The following IL1RAPL1 variants were observed in gnomAD, a reference collection of about 807,000 sequenced individuals.
IL1RAPL1 encodes the protein interleukin-1 receptor accessory protein-like 1.
Under a neutral mutation model 48.4 loss-of-function variants are expected in IL1RAPL1, and 3 were observed. The ratio of observed to expected loss-of-function variants is 0.06; its 90% CI spans 0.03 to 0.16. The LOEUF (loss-of-function observed/expected upper bound fraction) is 0.16. IL1RAPL1 is among the 10% of genes least tolerant of loss of function. The pLI is 1.00. For synonymous variants in IL1RAPL1, 185 were observed against 187.7 expected, an observed-to-expected ratio of 0.99 and a Z score of 0.12; for missense variants, 349 against 530.6, an observed-to-expected ratio of 0.66 and a Z score of 3.36.
intron 2 of IL1RAPL1, among the ~76,000 whole-genome samples, chrX:28,993,802 T>A (rs1925667379): frequency 8.9e-6 from 1 of 112,355 alleles, no homozygotes; most frequent in East Asian, 2.8e-4. Context: ...TTTTCCCGAT[T>A]TTTTAGTTGA....
At chrX:29,401,455 A>G (rs779497329) in intron 5 of IL1RAPL1, among the ~76,000 whole-genome samples, 45 of 111,573 alleles carry the variant, frequency 4.0e-4, no homozygotes, top group Middle Eastern at 4.7e-3. Flanking sequence ...GTGTGACACT[A>G]TAGCGCATTT....
rs771426805 is a variant in IL1RAPL1, at chrX:28,614,093, G to A, written c.-25+26046G>A. ...CTGGAAACAGGTCATCTATGAGCAT[G>A]TTTCTCCTAAACAATTACATGGAAA... On this transcript the variant is annotated intron_variant, in intron 1 of 10. Coordinates refer to ENST00000378993, the MANE Select transcript of IL1RAPL1 (RefSeq NM_014271.4). Among the ~76,000 whole-genome samples the A allele has an allele frequency of 3.6e-5, 4 of 112,063 alleles. No individual in the cohort carries two copies. In the South Asian group the frequency reaches 1.5e-3, roughly 41 times the overall value.
At chrX:28,980,849 G>A (rs912535821) in intron 2 of IL1RAPL1, among the ~76,000 whole-genome samples, 13 of 108,838 alleles carry the variant, frequency 1.2e-4, no homozygotes, top group Non-Finnish European at 2.5e-4. Context: ...AGCACTTTGG[G>A]AGGTCAAAGC....
rs140122008 is a variant in IL1RAPL1 at position 29,515,535 on chromosome X, T to A, written c.703+116227T>A. 1.4e-3 allele frequency among the ~76,000 whole-genome samples: 162 copies of A among 112,274 alleles called. 1 individual carries two copies. Among genetic ancestry groups the A allele is most frequent in the African/African-American group, 4.7e-3 (145 of 30,962 alleles). The stretch of plus-strand genomic sequence containing the variant: ...TGTAACCTTTTTCACTCAGCATAAT[T>A]CTCTGGAGATTCACCTAGGTTGTTG... On this transcript the variant is annotated intron_variant, in intron 5 of 10. Transcript: ENST00000378993.
At chrX:28,635,612 T>G (rs927188487) in intron 1 of IL1RAPL1, among the ~76,000 whole-genome samples, 1 of 112,160 alleles carries the variant, frequency 8.9e-6, no homozygotes, top group Non-Finnish European at 1.9e-5. Flanking sequence ...TAGGCTAGGC[T>G]AAGCTATGAT....
At position 28,799,191 on chromosome X, in the gene IL1RAPL1, A is replaced by G. The variant is rs145099006; in HGVS notation, c.82+9766A>G. Among the ~76,000 whole-genome samples the G allele has an allele frequency of 4.2e-3, 467 of 111,954 alleles. 6 individuals carry two copies. Among genetic ancestry groups the G allele is most frequent in the African/African-American group, 0.015 (448 of 30,832 alleles). ...TCTGTAATGAGAGGATTGGGATACCATCCATCATATTAAAGGTCCCCAAAG... is the reference window on the plus strand; with the variant it reads ...TCTGTAATGAGAGGATTGGGATACCGTCCATCATATTAAAGGTCCCCAAAG... On this transcript the variant is annotated intron_variant, in intron 2 of 10. Coordinates refer to ENST00000378993, the MANE Select transcript of IL1RAPL1 (RefSeq NM_014271.4).
At chrX:29,632,301 A>AC (rs1924800922) in intron 5 of IL1RAPL1, among the ~76,000 whole-genome samples, 1 of 109,470 alleles carries the variant, frequency 9.1e-6, no homozygotes, top group African/African-American at 3.3e-5. Flanking sequence ...GGCGCCCGCC[A>AC]CCACACCCTG....
chrX:28,978,648 G>A (rs6630798), intron 2 of IL1RAPL1, among the ~76,000 whole-genome samples: 17,980 of 110,972 alleles, frequency 0.16, 1,489 homozygotes, highest in East Asian at 0.43. Flanking sequence ...TGAATCTAGT[G>A]TTCATGAATT....
intron 5 of IL1RAPL1, among the ~76,000 whole-genome samples, chrX:29,488,178 G>A (rs752483856): frequency 1.5e-3 from 165 of 112,478 alleles, no homozygotes; most frequent in African/African-American, 5.1e-3. Flanking sequence ...GGTGGCTCAC[G>A]CCTGTAATCC....
intron 2 of IL1RAPL1, among the ~76,000 whole-genome samples, chrX:29,133,670 A>G (rs1929068315): frequency 9.0e-6 from 1 of 111,601 alleles, no homozygotes; most frequent in South Asian, 3.7e-4. Context: ...GTTGTAATAC[A>G]ATATATTGAC....
intron 1 of IL1RAPL1, among the ~76,000 whole-genome samples, chrX:28,661,763 A>G (rs777974357): frequency 8.9e-6 from 1 of 112,119 alleles, no homozygotes; most frequent in Non-Finnish European, 1.9e-5. Context: ...AGAATAAAAT[A>G]TTATAATGTT....
At chrX:29,798,388 A>G (rs1191195958) in intron 6 of IL1RAPL1, among the ~76,000 whole-genome samples, 1 of 111,891 alleles carries the variant, frequency 8.9e-6, no homozygotes, top group East Asian at 2.8e-4. Context: ...TCTCGGTTTT[A>G]TAGTAGGAGA....
intron 2 of IL1RAPL1, among the ~76,000 whole-genome samples, chrX:28,879,469 A>G (rs188148300): frequency 9.0e-6 from 1 of 111,491 alleles, no homozygotes; most frequent in African/African-American, 3.2e-5. Context: ...GGTATAAATA[A>G]GAAAGGAAGG....
chrX:28,867,285 T>C (rs1004157667), intron 2 of IL1RAPL1, among the ~76,000 whole-genome samples: 2 of 111,668 alleles, frequency 1.8e-5, no homozygotes, highest in African/African-American at 6.5e-5. Context: ...ATGCCTTTCG[T>C]TTTCATATCT....
At chrX:29,265,193 A>G (rs1380714084) in intron 2 of IL1RAPL1, among the ~76,000 whole-genome samples, 5 of 111,082 alleles carry the variant, frequency 4.5e-5, no homozygotes, top group Non-Finnish European at 9.4e-5. Flanking sequence ...GATTACAGGC[A>G]TGAGCCACCA....
chrX:28,892,843 T>C (rs1922809920), intron 2 of IL1RAPL1, among the ~76,000 whole-genome samples: 1 of 111,079 alleles, frequency 9.0e-6, no homozygotes, highest in Admixed American at 9.6e-5. Context: ...TTTGTATGAA[T>C]TGAAAAACTA....
chrX:29,492,425 G>A (rs751509799), intron 5 of IL1RAPL1, among the ~76,000 whole-genome samples: 1 of 111,851 alleles, frequency 8.9e-6, no homozygotes, highest in South Asian at 3.7e-4. Context: ...CTAAAATCAA[G>A]GTATCAGTAG....
At chrX:29,344,081 G>A (rs1933118379) in intron 3 of IL1RAPL1, among the ~76,000 whole-genome samples, 1 of 112,334 alleles carries the variant, frequency 8.9e-6, no homozygotes, top group South Asian at 3.7e-4. Context: ...CCATTTTTAT[G>A]CTTATGTTTT....
intron 2 of IL1RAPL1, among the ~76,000 whole-genome samples, chrX:28,824,283 C>G (rs1488227319): frequency 9.0e-6 from 1 of 110,960 alleles, no homozygotes; most frequent in Non-Finnish European, 1.9e-5. Flanking sequence ...AAGTTTTTCC[C>G]TTTACTTTAT....
Sources: gnomAD v4.1 joint callset for allele counts (sites outside exome capture counted in the v4.1 genomes callset) on GRCh38, gnomAD v4.1.1 for gene constraint, MANE v1.5 for transcripts, NCBI Gene and HGNC (gene_info 2026-07-23, HGNC 2026-07-21) for gene names.